The following PPFIA4 variants were observed in gnomAD, a reference collection of about 807,000 sequenced individuals.
PPFIA4 encodes PPFI scaffold protein A4.
A neutral mutation model predicts 145.7 loss-of-function variants in PPFIA4; 98 were observed. The observed-to-expected ratio is 0.67, with a 90% CI of 0.57 to 0.80. The LOEUF (loss-of-function observed/expected upper bound fraction) is 0.80, where lower values mean the gene tolerates loss of function less well. Ranked by LOEUF, PPFIA4 falls within the 30% of genes least tolerant of loss-of-function variation. The pLI is 0.00. For synonymous variants in PPFIA4, 628 were observed against 649.6 expected (o/e 0.97, Z 0.51); for missense variants, 1,457 against 1,632.7 (o/e 0.89, Z 1.85).
intron 6 of PPFIA4, 74 bp from the exon 7 acceptor site, chr1:203,045,294 C>A: frequency 6.7e-6 from 9 of 1,345,232 alleles, no homozygotes; most frequent in Non-Finnish European, 9.0e-6. Flanking sequence ...TTCCTCCTTC[C>A]ACCCCTGGGA....
chr1:203,072,842 A>T (rs1446487246), intron 28 of PPFIA4, among the ~76,000 whole-genome samples: 1 of 151,770 alleles, frequency 6.6e-6, no homozygotes. Context: ...TTATATATGT[A>T]TTTTTTTTGG....
At chr1:203,047,186 G>A (rs901379298) in intron 9 of PPFIA4, among the ~76,000 whole-genome samples, 1 of 152,104 alleles carries the variant, frequency 6.6e-6, no homozygotes, top group African/African-American at 2.4e-5. Flanking sequence ...CTTCGAGGAC[G>A]GAACCTGCAG....
chr1:203,045,441 A>C lies in PPFIA4; in HGVS notation c.740A>C (p.Glu247Ala). Reference protein sequence around the residue: ...KQNFELSQARERLVTLTTTVT... With the variant: ...KQNFELSQARARLVTLTTTVT... ...AACTTTGAGTTGAGCCAGGCCCGGGAGCGACTGGTCACCCTAACAACAACC... is the reference window on the plus strand; with the variant it reads ...AACTTTGAGTTGAGCCAGGCCCGGGCGCGACTGGTCACCCTAACAACAACC... Residue 247 changes from glutamate to alanine, a missense_variant, in exon 7 of 30, where the codon GAG becomes GCG. By Grantham distance (107) the Glu-to-Ala change is moderately radical (BLOSUM62 -1). Transcript: ENST00000295706. 6.2e-7 allele frequency: 1 copy of C among 1,609,846 alleles called. No homozygotes were observed. The highest frequency in any genetic ancestry group is 8.5e-7 in the Non-Finnish European group (1 of 1,178,748).
rs1662644689 is a variant in PPFIA4 at position 203,077,870 on chromosome 1, A to T, written c.*1480A>T. ...ATCAAAGTGAGAGGAAAGGAAAAGC[A>T]TCTGGCATGTGTTTCTTGGATAGGG... On this transcript the variant is annotated 3_prime_UTR_variant, in exon 30 of 30. Coordinates refer to ENST00000295706, the MANE Select transcript of PPFIA4 (RefSeq NM_001304331.2). 3 of 152,304 alleles carry T rather than the reference A, an allele frequency of 2.0e-5. No individual in the cohort carries two copies. The highest frequency in any genetic ancestry group is 2.0e-4 in the Admixed American group (3 of 15,284). The allele number at this position is 152,304 out of a possible 1,614,324, so 9.4% of individuals were successfully genotyped here.
chr1:203,052,523 CAG>C (rs142882076), intron 14 of PPFIA4, among the ~76,000 whole-genome samples: 2 of 152,270 alleles, frequency 1.3e-5, no homozygotes, highest in East Asian at 1.9e-4. Flanking sequence ...CTCCTAGTCT[CAG>C]GGGAAGATTC....
chr1:203,045,617 C>T, intron 7 of PPFIA4, 58 bp downstream of exon 7: 1 of 1,493,292 alleles, frequency 6.7e-7, no homozygotes, highest in Admixed American at 2.2e-5. Flanking sequence ...GGAGGGAGAG[C>T]CAGGCAAAGG....
In PPFIA4 at chr1:203,071,775, A is replaced by G. The variant is rs748572739; in HGVS notation, c.3393+15A>G. 3.3e-5 allele frequency: 52 copies of G among 1,598,124 alleles called. No homozygotes were observed. Among genetic ancestry groups the G allele is most frequent in the Non-Finnish European group, 4.4e-5 (51 of 1,167,084 alleles). On this transcript the variant is annotated intron_variant, in intron 28 of 29. Coordinates refer to ENST00000295706, the MANE Select transcript of PPFIA4 (RefSeq NM_001304331.2). ...AGCTGGATGACGTGAGTACCTGGCC[A>G]TGAATTAGGAGCCTTGGGGATTTGG...
intron 24 of PPFIA4, chr1:203,063,599 T>C (rs1661538821): frequency 4.1e-6 from 2 of 490,906 alleles, no homozygotes; most frequent in Non-Finnish European, 3.6e-6. Flanking sequence ...ATAATTGATA[T>C]GTGAGTGGAA....
At chr1:203,072,148 A>C (rs1662216098) in intron 28 of PPFIA4, among the ~76,000 whole-genome samples, 1 of 152,150 alleles carries the variant, frequency 6.6e-6, no homozygotes, top group South Asian at 2.1e-4. Context: ...TGAGCTCAGC[A>C]CACCTCCAGC....
chr1:203,059,532 T>A (rs537028357), intron 20 of PPFIA4, among the ~76,000 whole-genome samples: 42 of 152,246 alleles, frequency 2.8e-4, no homozygotes, highest in Non-Finnish European at 5.0e-4. Flanking sequence ...AATCTCTAAG[T>A]CAATGTCAGG....
At chr1:203,051,362 A>G in intron 13 of PPFIA4, 3 of 974,596 alleles carry the variant, frequency 3.1e-6, no homozygotes, top group Non-Finnish European at 2.5e-6. Context: ...GCCTCTAGAC[A>G]TCATCCCTTC....
chr1:203,051,078 A>G, intron 13 of PPFIA4: 1 of 941,242 alleles, frequency 1.1e-6, no homozygotes, highest in South Asian at 4.9e-5. Flanking sequence ...TCCAAGTAGG[A>G]AGGCACAGGG....
At chr1:203,042,233 A>T (rs1002383328) in intron 2 of PPFIA4, among the ~76,000 whole-genome samples, 1 of 152,200 alleles carries the variant, frequency 6.6e-6, no homozygotes, top group Non-Finnish European at 1.5e-5. Context: ...GCTAAACAGG[A>T]TATGATGAGC....
rs1660882036 is a variant in PPFIA4 at position 203,055,577 on chromosome 1, G to A, written c.1975G>A (p.Ala659Thr). 2 of 1,613,988 alleles carry A rather than the reference G, an allele frequency of 1.2e-6. No homozygotes were observed. Among genetic ancestry groups the A allele is most frequent in the Non-Finnish European group, 1.7e-6 (2 of 1,179,878 alleles). The change falls in exon 16 of 30, where the codon GCC (alanine) becomes ACC (threonine). Residue 659 changes from alanine (A) to threonine (T), a missense_variant. Physicochemically the swap from Ala to Thr is moderately conservative, Grantham distance 58. Transcript: ENST00000295706. This position sits in a 1 kb window ranked among gnomAD's most constrained non-coding sequence, Gnocchi z 4.8. The part of the protein sequence containing the change: ...IPTSLTALSL[A>T]SASPPLSGRS... ...CACCTCTCTGACGGCCCTGTCCCTG[G>A]CCAGCGCGTCCCCACCACTCAGCGG...
intron 26 of PPFIA4, 29 bp downstream of exon 26, chr1:203,067,821 G>T: frequency 6.2e-7 from 1 of 1,604,524 alleles, no homozygotes; most frequent in South Asian, 1.1e-5. Flanking sequence ...GAGAGGGTTC[G>T]GGAGCAGCCT....
At chr1:203,050,191 A>C (rs1660402527) in intron 13 of PPFIA4, among the ~76,000 whole-genome samples, 1 of 152,236 alleles carries the variant, frequency 6.6e-6, no homozygotes, top group Non-Finnish European at 1.5e-5. Flanking sequence ...GAAAGGCAGC[A>C]GGAGAGATTG....
intron 2 of PPFIA4, among the ~76,000 whole-genome samples, chr1:203,041,060 C>T (rs1218143683): frequency 1.3e-5 from 2 of 152,184 alleles, no homozygotes; most frequent in Middle Eastern, 3.2e-3. Context: ...AGAGCCTCCC[C>T]GTGGGGAGTC....
chr1:203,061,365 C>T (rs1661341245), intron 23 of PPFIA4: 1 of 523,896 alleles, frequency 1.9e-6, no homozygotes, highest in Admixed American at 3.6e-5. Flanking sequence ...TGCTTCCTCC[C>T]TGGTGGAGGA....
chr1:203,055,404 G>C lies in PPFIA4; in HGVS notation c.1830-28G>C, dbSNP rs1660860420. On this transcript the variant is annotated intron_variant, in intron 15 of 29. Transcript: ENST00000295706. The surrounding 1 kb of genome is among the most constrained non-coding windows in gnomAD (Gnocchi z 4.8). ...CTGCTGGTCCTGGCTGGGGCTAGTG[G>C]TGAGGTCTGGTTTTGCCTCCCTTCC... 6.2e-7 allele frequency: 1 copy of C among 1,611,948 alleles called. No individual in the cohort carries two copies. Among genetic ancestry groups the C allele is most frequent in the Admixed American group, 1.7e-5 (1 of 60,002 alleles).
Sources: allele counts gnomAD v4.1 joint callset (sites outside exome capture counted in the v4.1 genomes callset), GRCh38; gene constraint gnomAD v4.1.1; non-coding constraint Gnocchi (gnomAD v3.1); transcripts MANE v1.5; gene names NCBI Gene and HGNC (gene_info 2026-07-23, HGNC 2026-07-21).